Variants in LINGO2 observed in about 807,000 individuals in gnomAD.
LINGO2 encodes the protein leucine rich repeat and Ig domain containing 2, also known as leucine-rich repeat and immunoglobulin-like domain-containing nogo receptor-interacting protein 2.
A neutral mutation model predicts 30.6 loss-of-function variants in LINGO2; 14 were observed. The ratio of observed to expected loss-of-function variants is 0.46; its 90% CI spans 0.30 to 0.72. LINGO2 has a LOEUF of 0.72. LINGO2 is among the 30% of genes least tolerant of loss of function. LINGO2 has a pLI of 0.07. For missense variants in LINGO2, 729 were observed against 751.7 expected, an observed-to-expected ratio of 0.97 and a Z score of 0.35; for synonymous variants, 317 against 288.5, an observed-to-expected ratio of 1.10 and a Z score of -1.00.
intron 5 of LINGO2, among the ~76,000 whole-genome samples, chr9:27,990,269 T>A (rs901954948): frequency 7.2e-6 from 1 of 139,754 alleles, no homozygotes; most frequent in Non-Finnish European, 1.6e-5. Context: ...AGGTATCACA[T>A]CTAATGTAGC....
the LINGO2 span, among the ~76,000 whole-genome samples, chr9:29,043,904 T>C: frequency 6.6e-6 from 1 of 152,056 alleles, no homozygotes; most frequent in African/African-American, 2.4e-5. Flanking sequence ...TCATAAATAA[T>C]GCAAGAAACC....
chr9:27,971,107 G>C (rs1820330308), intron 5 of LINGO2, among the ~76,000 whole-genome samples: 1 of 151,860 alleles, frequency 6.6e-6, no homozygotes, highest in African/African-American at 2.4e-5. Flanking sequence ...AAATAGCAAA[G>C]TCAAACCCCA....
chr9:28,744,482 A>T, the LINGO2 span, among the ~76,000 whole-genome samples: 162 of 152,050 alleles, frequency 1.1e-3, 3 homozygotes, highest in African/African-American at 3.8e-3. Flanking sequence ...GATGTCCACC[A>T]TGAAGTTCTT....
intron 1 of LINGO2, among the ~76,000 whole-genome samples, chr9:28,535,616 C>G (rs1371639050): frequency 3.3e-5 from 5 of 151,984 alleles, no homozygotes; most frequent in African/African-American, 1.2e-4. Context: ...AATAGATTTC[C>G]TTTCTGCTAC....
intron 1 of LINGO2, among the ~76,000 whole-genome samples, chr9:28,603,770 G>A (rs1026700726): frequency 1.3e-5 from 2 of 151,972 alleles, no homozygotes; most frequent in African/African-American, 4.8e-5. Flanking sequence ...CCAGGACAGT[G>A]TTATTTGAAT....
intron 4 of LINGO2, among the ~76,000 whole-genome samples, chr9:28,081,661 T>C (rs1356657160): frequency 6.6e-6 from 1 of 152,202 alleles, no homozygotes; most frequent in Non-Finnish European, 1.5e-5. Flanking sequence ...TTACCCGCTG[T>C]ATGACCTTGG....
the LINGO2 span, among the ~76,000 whole-genome samples, chr9:28,859,704 T>G: frequency 6.6e-6 from 1 of 152,040 alleles, no homozygotes; most frequent in Non-Finnish European, 1.5e-5. Flanking sequence ...TTAAAAATGT[T>G]TTAAATATGA....
chr9:28,573,921 T>G (rs1823828343), intron 1 of LINGO2, among the ~76,000 whole-genome samples: 1 of 152,060 alleles, frequency 6.6e-6, no homozygotes. Flanking sequence ...GAAGAAAAAC[T>G]AAGAAAAAAG....
chr9:28,494,082 T>G (rs1819487652), intron 1 of LINGO2, among the ~76,000 whole-genome samples: 1 of 152,116 alleles, frequency 6.6e-6, no homozygotes, highest in South Asian at 2.1e-4. Context: ...ACACCTAGAA[T>G]TAGGGATTCA....
At chr9:28,288,214 C>A (rs1444326252) in intron 4 of LINGO2, among the ~76,000 whole-genome samples, 1 of 152,180 alleles carries the variant, frequency 6.6e-6, no homozygotes, top group Non-Finnish European at 1.5e-5. Flanking sequence ...ACTACCGATA[C>A]ATCCAGCCAC....
intron 2 of LINGO2, among the ~76,000 whole-genome samples, chr9:28,454,267 TTCCTTTTA>T (rs1824757120): frequency 6.6e-6 from 1 of 152,056 alleles, no homozygotes; most frequent in Non-Finnish European, 1.5e-5. Context: ...TATATTTGTC[TTCCTTTTA>T]TGACACTTTG....
chr9:28,715,050 G>C, the LINGO2 span, among the ~76,000 whole-genome samples: 17 of 152,240 alleles, frequency 1.1e-4, no homozygotes, highest in Non-Finnish European at 2.4e-4. Context: ...GTGAGTCGTA[G>C]TCAATAATTC....
At chr9:28,537,547 A>AG (rs1821489030) in intron 1 of LINGO2, among the ~76,000 whole-genome samples, 1 of 151,356 alleles carries the variant, frequency 6.6e-6, no homozygotes, top group East Asian at 1.9e-4. Context: ...TAAAGTAAAT[A>AG]GAAAAAAAAA....
chr9:28,958,980 C>T, the LINGO2 span, among the ~76,000 whole-genome samples: 6 of 152,076 alleles, frequency 3.9e-5, no homozygotes, highest in Admixed American at 2.0e-4. Flanking sequence ...CAGGATCACT[C>T]AGATAACTTT....
chr9:28,691,735 CATGTAGACTTTTAGCA>C, the LINGO2 span, among the ~76,000 whole-genome samples: 7 of 152,008 alleles, frequency 4.6e-5, no homozygotes, highest in Admixed American at 4.6e-4. Flanking sequence ...TTCATATCTC[CATGTAGACTTTTAGCA>C]AAAAGATTTT....
chr9:28,470,218 A>C (rs1420305294), intron 2 of LINGO2, among the ~76,000 whole-genome samples: 1 of 152,214 alleles, frequency 6.6e-6, no homozygotes, highest in African/African-American at 2.4e-5. Flanking sequence ...AGAATTGTAC[A>C]CTTGAAAACT....
At chr9:28,638,415 T>A (rs1045800851) in intron 1 of LINGO2, among the ~76,000 whole-genome samples, 1 of 152,164 alleles carries the variant, frequency 6.6e-6, no homozygotes, top group Non-Finnish European at 1.5e-5. Flanking sequence ...TCCTTGTACC[T>A]CTGGTAGAAT....
intron 2 of LINGO2, among the ~76,000 whole-genome samples, chr9:28,446,507 C>T (rs79742256): frequency 0.018 from 2,761 of 152,276 alleles, 74 homozygotes; most frequent in African/African-American, 0.059. Flanking sequence ...CTGAACAAAG[C>T]CTTGGCTTTT....
the LINGO2 span, among the ~76,000 whole-genome samples, chr9:28,933,023 C>T: frequency 6.6e-6 from 1 of 152,040 alleles, no homozygotes; most frequent in Non-Finnish European, 1.5e-5. Context: ...TCTTGTGTCT[C>T]AGCCTCCTGA....
Sources: gnomAD v4.1 joint callset for allele counts (sites outside exome capture counted in the v4.1 genomes callset) on GRCh38, gnomAD v4.1.1 for gene constraint, MANE v1.5 for transcripts, NCBI Gene and HGNC (gene_info 2026-07-23, HGNC 2026-07-21) for gene names.